MAP3K13: variants seen among roughly 807,000 people sequenced by gnomAD.
MAP3K13 encodes leucine zipper-bearing kinase.
A neutral mutation model predicts 104.0 loss-of-function variants in MAP3K13; 52 were observed. That is an observed-to-expected ratio of 0.50 (90% CI 0.40 to 0.63). The LOEUF (loss-of-function observed/expected upper bound fraction) is 0.63, where lower values mean the gene tolerates loss of function less well. Ranked by LOEUF, MAP3K13 falls within the 20% of genes least tolerant of loss-of-function variation. The probability of loss-of-function intolerance (pLI) is 0.00; values close to 1 mark genes in which losing one functional copy is unlikely to be tolerated. For missense variants in MAP3K13, 914 were observed against 1,218.5 expected (o/e 0.75, Z 3.72); for synonymous variants, 394 against 442.2 (o/e 0.89, Z 1.37).
chr3:185,443,700 C>T (rs1401726742), intron 4 of MAP3K13, 64 bp downstream of exon 4: 1 of 1,412,530 alleles, frequency 7.1e-7, no homozygotes, highest in Non-Finnish European at 9.9e-7. Flanking sequence ...GAATTTTTAT[C>T]AACCTCAGTT....
intron 2 of MAP3K13, among the ~76,000 whole-genome samples, chr3:185,291,233 T>C (rs1467603684): frequency 3.3e-5 from 5 of 152,230 alleles, no homozygotes; most frequent in African/African-American, 4.8e-5. Context: ...ATTTTGGCTA[T>C]GCTTTCAGAG....
chr3:185,329,270 G>C, intron 2 of MAP3K13: 1 of 702,882 alleles, frequency 1.4e-6, no homozygotes, highest in East Asian at 2.7e-5. Context: ...ACCTAGTGCC[G>C]AGAGATTGTT....
At chr3:185,344,883 A>ATT (rs147866083) in intron 2 of MAP3K13, among the ~76,000 whole-genome samples, 6,392 of 149,312 alleles carry the variant, frequency 0.043, 513 homozygotes, top group African/African-American at 0.15. Flanking sequence ...TAATCTCATA[A>ATT]TTTATTTTTT....
chr3:185,341,268 G>A (rs1253423266), intron 2 of MAP3K13, among the ~76,000 whole-genome samples: 11 of 152,174 alleles, frequency 7.2e-5, no homozygotes, highest in Non-Finnish European at 1.5e-4. Flanking sequence ...GACACACAGA[G>A]AAATATATAG....
chr3:185,437,127 A>ACAG (rs746608664), intron 2 of MAP3K13, among the ~76,000 whole-genome samples: 2 of 152,024 alleles, frequency 1.3e-5, no homozygotes, highest in Non-Finnish European at 2.9e-5. Context: ...TTGCATAGAG[A>ACAG]CAGACGGGTA....
rs1283305765 is a variant in MAP3K13 at position 185,466,828 on chromosome 3, G to A, written c.1508G>A (p.Arg503His). 6.8e-6 allele frequency: 11 copies of A among 1,613,906 alleles called. No individual in the cohort carries two copies. The highest frequency in any genetic ancestry group is 3.3e-5 in the South Asian group (3 of 91,070). ...TGGCTTTTGCCTTTATTCTGCAGGC[G>A]TGAGCAAGCAGTGGAAAAGAAGTAT... ...LEMREKELIK[R>H]EQAVEKKYPG... The change falls in exon 10 of 14, where the codon CGT (arginine) becomes CAT (histidine). Residue 503 changes from arginine (R) to histidine (H), a missense_variant and splice_region_variant. This residue lies in a region of MAP3K13 where 583 missense variants were observed against 737.4 expected (regional missense o/e 0.79). Transcript: ENST00000265026.
intron 2 of MAP3K13, among the ~76,000 whole-genome samples, chr3:185,290,190 A>G (rs752963955): frequency 6.6e-6 from 1 of 152,160 alleles, no homozygotes; most frequent in African/African-American, 2.4e-5. Context: ...TAAGTTCAAT[A>G]TATATAATGC....
intron 1 of MAP3K13, among the ~76,000 whole-genome samples, chr3:185,385,276 G>A (rs572597968): frequency 1.1e-4 from 16 of 152,152 alleles, no homozygotes; most frequent in Middle Eastern, 3.4e-3. Flanking sequence ...TCAGCCTCCC[G>A]AGTGGCTGGG....
chr3:185,461,218 G>A (rs781329959), intron 7 of MAP3K13, among the ~76,000 whole-genome samples: 5 of 152,128 alleles, frequency 3.3e-5, no homozygotes, highest in South Asian at 4.1e-4. Flanking sequence ...GATTGGGCAC[G>A]TTCAGGGTGG....
chr3:185,415,616 G>A (rs115604017), intron 1 of MAP3K13, among the ~76,000 whole-genome samples: 1,097 of 97,106 alleles, frequency 0.011, 11 homozygotes, highest in African/African-American at 0.04. Context: ...AGAGTTTTAC[G>A]CTTATTGCCC....
intron 2 of MAP3K13, among the ~76,000 whole-genome samples, chr3:185,307,958 C>T (rs1010945369): frequency 2.2e-5 from 3 of 133,584 alleles, no homozygotes. Context: ...TTTAAGACAA[C>T]TATTTTGAGT....
rs1007124990 is a variant in MAP3K13, at chr3:185,488,297, C to G, written c.*5841C>G. 3 of 152,324 alleles carry G rather than the reference C, an allele frequency of 2.0e-5. No individual in the cohort carries two copies. The highest frequency in any genetic ancestry group is 4.1e-4 in the South Asian group (2 of 4,828). The allele number at this position is 152,324 out of a possible 1,614,324, so 9.4% of individuals were successfully genotyped here. A position where few individuals can be genotyped will look rare whatever the true frequency, so the allele number is the denominator to read the frequency against. On this transcript the variant is annotated 3_prime_UTR_variant, in exon 14 of 14. Transcript: ENST00000265026. ...TGATTTCATAGGACAAATATCCTAG[C>G]ATACTCACACCACCAGTGTCCCACC...
chr3:185,440,906 G>A (rs1440139426), intron 3 of MAP3K13, among the ~76,000 whole-genome samples: 2 of 152,184 alleles, frequency 1.3e-5, no homozygotes, highest in Non-Finnish European at 2.9e-5. Context: ...ATTACATATA[G>A]TAATTTTTCT....
At chr3:185,283,527 G>A (rs1387221420) in intron 1 of MAP3K13, among the ~76,000 whole-genome samples, 1 of 152,140 alleles carries the variant, frequency 6.6e-6, no homozygotes. Context: ...CTGGCTTCCC[G>A]GCAGAACCTC....
chr3:185,391,142 G>A (rs962088417), intron 1 of MAP3K13, among the ~76,000 whole-genome samples: 1 of 152,094 alleles, frequency 6.6e-6, no homozygotes, highest in African/African-American at 2.4e-5. Flanking sequence ...ATGTTGTTGT[G>A]CAACCATCAC....
chr3:185,481,078 G>T, intron 13 of MAP3K13: 1 of 156,194 alleles, frequency 6.4e-6, no homozygotes, highest in Non-Finnish European at 1.4e-5. Context: ...AATGAGGGCA[G>T]TTTCTCCCAA....
chr3:185,347,218 C>A (rs62288718), intron 2 of MAP3K13, among the ~76,000 whole-genome samples: 2 of 151,918 alleles, frequency 1.3e-5, no homozygotes, highest in East Asian at 3.9e-4. Context: ...ATCTCTTGAC[C>A]TTATGATCCA....
At chr3:185,360,614 T>C (rs946687265), upstream of MAP3K13, among the ~76,000 whole-genome samples, 18 of 152,148 alleles carry the variant, frequency 1.2e-4, no homozygotes, top group African/African-American at 3.6e-4. Flanking sequence ...TTTATCATCT[T>C]ACTGAAGTGG....
chr3:185,344,130 A>C (rs1450032749), intron 2 of MAP3K13, among the ~76,000 whole-genome samples: 1 of 152,220 alleles, frequency 6.6e-6, no homozygotes, highest in East Asian at 1.9e-4. Context: ...GCATATGTTG[A>C]TGGAGTATGT....
Sources: gnomAD v4.1 joint callset for allele counts (sites outside exome capture counted in the v4.1 genomes callset) on GRCh38, gnomAD v4.1.1 for gene constraint, gnomAD v4.1.1 regional missense constraint, MANE v1.5 for transcripts, NCBI Gene and HGNC (gene_info 2026-07-23, HGNC 2026-07-21) for gene names.